The following ALMS1 variants were observed in gnomAD, a reference collection of about 807,000 sequenced individuals.
The protein encoded by ALMS1 is ALMS1 centrosome and basal body associated protein.
Under a neutral mutation model 352.2 loss-of-function variants are expected in ALMS1, and 271 were observed. The ratio of observed to expected loss-of-function variants is 0.77; its 90% CI spans 0.70 to 0.85. The LOEUF is 0.85. Ranked by LOEUF, ALMS1 falls within the 40% of genes least tolerant of loss-of-function variation. The pLI is 0.00. For synonymous variants in ALMS1, 1,865 were observed against 1,761.2 expected (o/e 1.06, Z -1.48); for missense variants, 5,445 against 4,870.7 (o/e 1.12, Z -3.51).
At chr2:73,600,639 A>T in intron 17 of ALMS1, 39 bp from the exon 18 acceptor site, 9 of 1,564,626 alleles carry the variant, frequency 5.8e-6, no homozygotes, top group Non-Finnish European at 7.8e-6. Context: ...ACTCAGCCTC[A>T]AGGTTACTCC....
chr2:73,569,425 T>C (rs574939413), intron 15 of ALMS1, among the ~76,000 whole-genome samples: 1 of 152,264 alleles, frequency 6.6e-6, no homozygotes, highest in Admixed American at 6.5e-5. Flanking sequence ...TTTAGAGCAA[T>C]GTTATCTATT....
Position 73,601,338 on chromosome 2 carries a change from T to A in ALMS1, c.12016T>A (p.Cys4006Ser). ...PWREPLREQN[C>S]QGQHLDGRGY... ...GAGGGAGCCACTGCGGGAGCAGAAC[T>A]GTCAGGGGCAGCACCTGGACGGTCG... The change falls in exon 19 of 23, where the codon TGT becomes AGT. Residue 4006 changes from cysteine to serine, a missense_variant. Cys to Ser is a moderately radical substitution (Grantham distance 112). Transcript: ENST00000613296. 2 of 1,614,198 alleles carry A rather than the reference T, an allele frequency of 1.2e-6. No homozygotes were observed. The highest frequency in any genetic ancestry group is 1.7e-6 in the Non-Finnish European group (2 of 1,180,018).
chr2:73,566,970 G>A (rs960535972), intron 15 of ALMS1, among the ~76,000 whole-genome samples: 15 of 152,212 alleles, frequency 9.9e-5, no homozygotes, highest in African/African-American at 3.6e-4. Context: ...TATAGGGAAG[G>A]TGCACAGAGC....
At chr2:73,539,500 C>T (rs1674114995) in intron 12 of ALMS1, among the ~76,000 whole-genome samples, 1 of 152,116 alleles carries the variant, frequency 6.6e-6, no homozygotes, top group African/African-American at 2.4e-5. Flanking sequence ...AGCTCCTCAC[C>T]AGCAATGGAA....
Position 73,452,515 on chromosome 2 carries a change from C to G in ALMS1, c.5988C>G (p.Leu1996=). ...ACTCACATTCACATAAAGAGAAACT[C>G]AAGATTTCAACTGTGCATATACCAG... The part of the protein sequence containing the change: ...SSYSHSHKEK[L]KISTVHIPDD... The change falls in exon 8 of 23, where the codon CTC becomes CTG. Residue 1996 remains leucine, a synonymous_variant. Coordinates refer to ENST00000613296, the MANE Select transcript of ALMS1 (RefSeq NM_001378454.1). 6.2e-7 allele frequency: 1 copy of G among 1,614,002 alleles called. No individual in the cohort carries two copies. Among genetic ancestry groups the G allele is most frequent in the Non-Finnish European group, 8.5e-7 (1 of 1,179,986 alleles).
intron 12 of ALMS1, among the ~76,000 whole-genome samples, chr2:73,537,431 T>C (rs1032650226): frequency 6.6e-6 from 1 of 152,282 alleles, no homozygotes; most frequent in South Asian, 2.1e-4. Context: ...TAAGGTAAAG[T>C]TGACAGCTGC....
Position 73,502,707 on chromosome 2 carries a change from G to C in ALMS1, c.9539+11209G>C, listed in dbSNP as rs572475113. On this transcript the variant is annotated intron_variant, in intron 10 of 22. Transcript: ENST00000613296. Reference sequence around the variant, plus strand: ...TGTAGTGAATTACATTGGTCCAGTTGATCAACTGTATTGTTGAAATTGTCA... The same window carrying C: ...TGTAGTGAATTACATTGGTCCAGTTCATCAACTGTATTGTTGAAATTGTCA... 6.2e-4 allele frequency among the ~76,000 whole-genome samples: 95 copies of C among 152,138 alleles called. 2 individuals carry two copies. Among genetic ancestry groups the C allele is most frequent in the African/African-American group, 2.1e-3 (86 of 41,516 alleles).
chr2:73,539,029 G>A (rs1483267853), intron 12 of ALMS1, among the ~76,000 whole-genome samples: 1 of 152,184 alleles, frequency 6.6e-6, no homozygotes, highest in Admixed American at 6.5e-5. Flanking sequence ...CAGCTTTGAA[G>A]AGAGTAGTGG....
intron 10 of ALMS1, among the ~76,000 whole-genome samples, chr2:73,511,684 T>C (rs987872948): frequency 1.3e-5 from 2 of 152,142 alleles, no homozygotes; most frequent in Non-Finnish European, 2.9e-5. Flanking sequence ...TCTATGACAG[T>C]GGGTCTCAAC....
intron 9 of ALMS1, among the ~76,000 whole-genome samples, chr2:73,482,606 G>C (rs567283437): frequency 6.6e-6 from 1 of 152,190 alleles, no homozygotes; most frequent in Non-Finnish European, 1.5e-5. Context: ...AAGAGTTAGG[G>C]AGGATTCCCT....
intron 7 of ALMS1, among the ~76,000 whole-genome samples, chr2:73,436,676 G>C (rs990692165): frequency 6.6e-6 from 1 of 152,060 alleles, no homozygotes; most frequent in Non-Finnish European, 1.5e-5. Flanking sequence ...TGAGCCTCTA[G>C]TGAATTTTTC....
At position 73,464,812 on chromosome 2, in the gene ALMS1, AGC is replaced by A. The variant is rs1672293472; in HGVS notation, c.7674+9519_7674+9520del. 2.6e-5 allele frequency among the ~76,000 whole-genome samples: 4 copies of A among 152,350 alleles called. No individual in the cohort carries two copies. The South Asian group carries it at 8.3e-4, about 32-fold the overall frequency. ...TCTTATACACCAACAGCAGACAAAG[AGC>A]GAGCCAAATCATGAGTGAACTCCCA... is the stretch of plus-strand genomic sequence containing the variant. On this transcript the variant is annotated intron_variant, in intron 9 of 22. Coordinates refer to ENST00000613296, the MANE Select transcript of ALMS1 (RefSeq NM_001378454.1).
chr2:73,499,303 C>T (rs962974200), intron 10 of ALMS1, among the ~76,000 whole-genome samples: 1 of 152,102 alleles, frequency 6.6e-6, no homozygotes, highest in Non-Finnish European at 1.5e-5. Context: ...TGTAGGTTGT[C>T]TTCTTCACTT....
chr2:73,413,315 A>G (rs1671116631), intron 2 of ALMS1, among the ~76,000 whole-genome samples: 1 of 151,582 alleles, frequency 6.6e-6, no homozygotes, highest in South Asian at 2.1e-4. Context: ...TTTTGATGAA[A>G]CTTGTTTATT....
Position 73,423,003 on chromosome 2 carries a change from T to C in ALMS1, c.764+29T>C, listed in dbSNP as rs200016363. On this transcript the variant is annotated intron_variant, in intron 4 of 22. Transcript: ENST00000613296. The stretch of plus-strand genomic sequence containing the variant: ...GGATGATTTATTTGCATGTAACCTT[T>C]CTCACTTCTTGTTCTATGTTTTTAC... 149 of 1,540,938 alleles carry C rather than the reference T, an allele frequency of 9.7e-5. 2 individuals carry two copies. Among genetic ancestry groups the C allele is most frequent in the Non-Finnish European group, 1.3e-4 (140 of 1,114,010 alleles).
chr2:73,563,160 C>T (rs1217355866), intron 15 of ALMS1, among the ~76,000 whole-genome samples: 2 of 146,918 alleles, frequency 1.4e-5, no homozygotes, highest in Admixed American at 6.8e-5. Context: ...ATATAACAAA[C>T]ATATCAAAAG....
At chr2:73,455,638 G>A (rs547086480) in intron 9 of ALMS1, among the ~76,000 whole-genome samples, 1 of 152,344 alleles carries the variant, frequency 6.6e-6, no homozygotes, top group East Asian at 1.9e-4. Flanking sequence ...TTGGATTCAA[G>A]CGATCCTCTT....
chr2:73,594,891 T>C (rs1231433293), intron 16 of ALMS1, among the ~76,000 whole-genome samples: 2 of 152,186 alleles, frequency 1.3e-5, no homozygotes, highest in Non-Finnish European at 2.9e-5. Context: ...AGTTTGTTGG[T>C]ATCTTGTTTT....
intron 10 of ALMS1, among the ~76,000 whole-genome samples, chr2:73,509,182 T>C (rs1416668345): frequency 6.6e-6 from 1 of 152,092 alleles, no homozygotes; most frequent in Non-Finnish European, 1.5e-5. Context: ...AGCACACCAA[T>C]GGGTCTTGAC....
Sources: allele counts gnomAD v4.1 joint callset (sites outside exome capture counted in the v4.1 genomes callset), GRCh38; gene constraint gnomAD v4.1.1; transcripts MANE v1.5; gene names NCBI Gene and HGNC (gene_info 2026-07-23, HGNC 2026-07-21).